POLR3B: variants seen among roughly 807,000 people sequenced by gnomAD.
The protein encoded by POLR3B is DNA-directed RNA polymerase III subunit RPC2.
A neutral mutation model predicts 147.4 loss-of-function variants in POLR3B; 96 were observed. The ratio of observed to expected loss-of-function variants is 0.65; its 90% CI spans 0.55 to 0.77. The LOEUF is 0.77. POLR3B is among the 30% of genes least tolerant of loss of function. POLR3B has a pLI of 0.00. For missense variants in POLR3B, 1,036 were observed against 1,413.5 expected (o/e 0.73, Z 4.28); for synonymous variants, 461 against 485.9 (o/e 0.95, Z 0.67).
chr12:106,509,675 A>G lies in POLR3B; in HGVS notation c.*126A>G. On this transcript the variant is annotated 3_prime_UTR_variant, in exon 28 of 28. Coordinates refer to ENST00000228347, the MANE Select transcript of POLR3B (RefSeq NM_018082.6). ...TGCGTATTCTCTCTCTAAAACAACCAAAAAAAAATGGAGAGGCTTTTTATA... is the reference window on the plus strand; with the variant it reads ...TGCGTATTCTCTCTCTAAAACAACCGAAAAAAAATGGAGAGGCTTTTTATA... 4.0e-6 allele frequency: 3 copies of G among 742,028 alleles called. No individual in the cohort carries two copies. The highest frequency in any genetic ancestry group is 6.5e-6 in the Non-Finnish European group (3 of 464,252). The allele number at this position is 742,028 out of a possible 1,614,324, so 46.0% of individuals were successfully genotyped here.
chr12:106,434,900 G>A (rs2037557757), intron 16 of POLR3B, among the ~76,000 whole-genome samples: 1 of 152,096 alleles, frequency 6.6e-6, no homozygotes. Flanking sequence ...GCCAGGGGTT[G>A]GGCATATGAC....
At chr12:106,404,093 G>GTTTTTTTTT (rs372930203) in intron 10 of POLR3B, among the ~76,000 whole-genome samples, 1 of 136,010 alleles carries the variant, frequency 7.4e-6, no homozygotes. Context: ...GTTGTTTTTT[G>GTTTTTTTTT]TTTTTTTTTT....
At chr12:106,474,816 G>C (rs2038142733) in intron 23 of POLR3B, among the ~76,000 whole-genome samples, 1 of 151,844 alleles carries the variant, frequency 6.6e-6, no homozygotes, top group South Asian at 2.1e-4. Flanking sequence ...CAAAAAACCA[G>C]CTCCTGGATC....
At chr12:106,497,208 T>A (rs927912616) in intron 25 of POLR3B, among the ~76,000 whole-genome samples, 4 of 151,350 alleles carry the variant, frequency 2.6e-5, no homozygotes, top group African/African-American at 9.7e-5. Flanking sequence ...ACAATTCTTC[T>A]TCTTCCCGTA....
chr12:106,358,348 G>T (rs1322204233), intron 1 of POLR3B: 4 of 709,234 alleles, frequency 5.6e-6, no homozygotes, highest in Non-Finnish European at 7.5e-6. Flanking sequence ...CCGGCTGTGG[G>T]GGTAAAACCA....
At chr12:106,469,597 C>G (rs2038059830) in intron 23 of POLR3B, among the ~76,000 whole-genome samples, 1 of 152,086 alleles carries the variant, frequency 6.6e-6, no homozygotes, top group Non-Finnish European at 1.5e-5. Context: ...CCGGTTGTTC[C>G]TTTCCATGTT....
chr12:106,397,034 A>T (rs1040217899), intron 10 of POLR3B, among the ~76,000 whole-genome samples: 1 of 151,676 alleles, frequency 6.6e-6, no homozygotes. Context: ...GTGAGGTGGG[A>T]GGATTGCCTG....
rs1329993541 is a variant in POLR3B, at chr12:106,496,805, A to C, written c.2871A>C (p.Arg957Ser). ...LAGKAGVLDG[R>S]FHYGTAFGGS... ...GCAAGGCCGGTGTGCTGGACGGCAG[A>C]TTCCACTACGGCACTGCGTTTGGAG... The change falls in exon 25 of 28, where the codon AGA becomes AGC. Residue 957 changes from arginine to serine, a missense_variant. Transcript: ENST00000228347. 2 of 1,614,034 alleles carry C rather than the reference A, an allele frequency of 1.2e-6. No homozygotes were observed. Among genetic ancestry groups the C allele is most frequent in the Non-Finnish European group, 8.5e-7 (1 of 1,180,022 alleles).
At chr12:106,451,635 G>A (rs866481708) in intron 19 of POLR3B, among the ~76,000 whole-genome samples, 2 of 138,416 alleles carry the variant, frequency 1.4e-5, no homozygotes, top group African/African-American at 2.7e-5. Flanking sequence ...AAAAAAGGCG[G>A]GGGGGGAGGA....
chr12:106,496,446 C>T (rs2038487298), intron 24 of POLR3B: 2 of 602,018 alleles, frequency 3.3e-6, no homozygotes, highest in Admixed American at 2.9e-5. Flanking sequence ...CTAAATGGAT[C>T]TCCCTTTCAG....
In POLR3B at chr12:106,427,202, A is replaced by C; in HGVS notation, c.1107A>C (p.Leu369Phe). ...NKRLELAGQL[L>F]SLLFEDLFKK... Reference sequence around the variant, plus strand: ...ACCTTTTTTTTTTTTTTTAGCTTTTATCTCTTCTTTTTGAAGACTTGTTCA... The same window carrying C: ...ACCTTTTTTTTTTTTTTTAGCTTTTCTCTCTTCTTTTTGAAGACTTGTTCA... The change falls in exon 13 of 28, where the codon TTA (leucine) becomes TTC (phenylalanine). Residue 369 changes from leucine (L) to phenylalanine (F), a missense_variant. Coordinates refer to ENST00000228347, the MANE Select transcript of POLR3B (RefSeq NM_018082.6). 1 of 1,315,776 alleles carries C rather than the reference A, an allele frequency of 7.6e-7. No individual in the cohort carries two copies. Among genetic ancestry groups the C allele is most frequent in the East Asian group, 2.5e-5 (1 of 39,436 alleles). 81.5% of individuals were successfully genotyped at this position (1,315,776 alleles called of 1,614,324 possible). A position where few individuals can be genotyped will look rare whatever the true frequency, so the allele number is the denominator to read the frequency against.
chr12:106,500,143 G>A lies in POLR3B; in HGVS notation c.2985-1180G>A, dbSNP rs568304170. On this transcript the variant is annotated intron_variant, in intron 25 of 27. Coordinates refer to ENST00000228347, the MANE Select transcript of POLR3B (RefSeq NM_018082.6). ...GGTGACAGTTCTTCCTCCCTGGATC[G>A]TTGTGTGGATTAAGTAGCACATGGT... The A allele has an allele frequency of 1.4e-4, 65 of 455,958 alleles. 1 individual carries two copies. The highest frequency in any genetic ancestry group is 7.3e-4 in the Admixed American group (31 of 42,566). 28.2% of individuals were successfully genotyped at this position (455,958 alleles called of 1,614,324 possible). A position where few individuals can be genotyped will look rare whatever the true frequency, so the allele number is the denominator to read the frequency against.
At chr12:106,450,688 A>G (rs1277603400) in intron 19 of POLR3B, among the ~76,000 whole-genome samples, 1 of 152,156 alleles carries the variant, frequency 6.6e-6, no homozygotes, top group Non-Finnish European at 1.5e-5. Flanking sequence ...AAAAAGACTG[A>G]CCTACTAAGT....
chr12:106,364,742 A>T (rs2036509768), intron 2 of POLR3B, among the ~76,000 whole-genome samples: 1 of 152,262 alleles, frequency 6.6e-6, no homozygotes, highest in South Asian at 2.1e-4. Flanking sequence ...AATGGGATGT[A>T]TCTGTGCAAC....
At chr12:106,447,696 T>C (rs1395062061) in intron 19 of POLR3B, among the ~76,000 whole-genome samples, 1 of 152,206 alleles carries the variant, frequency 6.6e-6, no homozygotes, top group Non-Finnish European at 1.5e-5. Context: ...AGTCCTCTAG[T>C]GGAACACTTT....
At chr12:106,387,942 G>A (rs1034210037) in intron 9 of POLR3B, among the ~76,000 whole-genome samples, 2 of 152,162 alleles carry the variant, frequency 1.3e-5, no homozygotes, top group Admixed American at 1.3e-4. Context: ...AACAAATGGG[G>A]ATACCAGAAA....
chr12:106,508,177 T>G (rs1417519366), intron 27 of POLR3B, among the ~76,000 whole-genome samples: 3 of 152,158 alleles, frequency 2.0e-5, no homozygotes, highest in Non-Finnish European at 4.4e-5. Context: ...CTTCACAGTC[T>G]TCTTCTATCT....
intron 26 of POLR3B, 83 bp downstream of exon 26, chr12:106,501,519 C>A: frequency 1.2e-6 from 1 of 858,196 alleles, no homozygotes; most frequent in Non-Finnish European, 1.9e-6. Context: ...AAAGCAGACT[C>A]AACAAAGTTT....
At chr12:106,432,775 A>C (rs1218613624) in intron 15 of POLR3B, among the ~76,000 whole-genome samples, 2 of 152,146 alleles carry the variant, frequency 1.3e-5, no homozygotes, top group Admixed American at 1.3e-4. Flanking sequence ...TCAACATGGT[A>C]TCTTTAAGTA....
Sources: allele counts gnomAD v4.1 joint callset (sites outside exome capture counted in the v4.1 genomes callset), GRCh38; gene constraint gnomAD v4.1.1; transcripts MANE v1.5; gene names NCBI Gene and HGNC (gene_info 2026-07-23, HGNC 2026-07-21).